EVC2: variants seen among roughly 807,000 people sequenced by gnomAD.
EVC2 encodes the protein limbin.
In EVC2, 148 loss-of-function variants were observed where a neutral mutation model predicts 149.3. The observed-to-expected ratio is 0.99, with a 90% CI of 0.87 to 1.14. EVC2 has a LOEUF of 1.14. EVC2 is among the 50% of genes most tolerant of loss of function. EVC2 has a pLI of 0.00. For missense variants in EVC2, 1,854 were observed against 1,627.3 expected, an observed-to-expected ratio of 1.14 and a Z score of -2.40; for synonymous variants, 776 against 649.9, an observed-to-expected ratio of 1.19 and a Z score of -2.95.
intron 8 of EVC2, among the ~76,000 whole-genome samples, chr4:5,664,568 C>T (rs1414897765): frequency 6.6e-6 from 1 of 152,160 alleles, no homozygotes; most frequent in African/African-American, 2.4e-5. Context: ...TTTCTTCTCA[C>T]TTTTGCCCGC....
At position 5,562,638 on chromosome 4, in the gene EVC2, C is replaced by G; in HGVS notation, c.*210G>C. ...GGGCTGAAAGAAGGAGTGTTTATGT[C>G]CTTGTGATATGGAAGAGAGTGGGCC... is the stretch of plus-strand genomic sequence containing the variant. On this transcript the variant is annotated 3_prime_UTR_variant, in exon 22 of 22. Coordinates refer to ENST00000344408, the MANE Select transcript of EVC2 (RefSeq NM_147127.5). This position sits in a 1 kb window ranked among gnomAD's most constrained non-coding sequence, Gnocchi z 4.3. 1 of 1,437,194 alleles carries G rather than the reference C, an allele frequency of 7.0e-7. No individual in the cohort carries two copies. 89.0% of individuals were successfully genotyped at this position (1,437,194 alleles called of 1,614,324 possible).
chr4:5,609,502 G>A (rs981733581), intron 16 of EVC2, among the ~76,000 whole-genome samples: 15 of 152,228 alleles, frequency 9.9e-5, no homozygotes, highest in Non-Finnish European at 1.9e-4. Context: ...TCATGAAAAG[G>A]TCACAGATGA....
chr4:5,568,716 C>T, intron 19 of EVC2, 76 bp from the exon 20 acceptor site: 1 of 1,443,506 alleles, frequency 6.9e-7, no homozygotes, highest in Non-Finnish European at 9.5e-7. Flanking sequence ...TTATCACATT[C>T]TGAGGACATT....
In EVC2 at chr4:5,568,619, G is replaced by T. The variant is rs200105743; in HGVS notation, c.3382C>A (p.Leu1128Met). 5.2e-5 allele frequency: 84 copies of T among 1,608,906 alleles called. 1 individual carries two copies. In the East Asian group the frequency reaches 1.8e-3, roughly 35 times the overall value. Residue 1128 changes from leucine (L) to methionine (M), a missense_variant, in exon 20 of 22, where the codon CTG becomes ATG. Coordinates refer to ENST00000344408, the MANE Select transcript of EVC2 (RefSeq NM_147127.5). ...CSQELRLASY[L>M]ARMAMVPGAT... ...CCGGGCACCATGGCCATCCTCGCCAGGTACGATGCCAGTCTCAGCTCCTAC... is the reference window on the plus strand; with the variant it reads ...CCGGGCACCATGGCCATCCTCGCCATGTACGATGCCAGTCTCAGCTCCTAC...
intron 16 of EVC2, among the ~76,000 whole-genome samples, chr4:5,605,575 C>T (rs573630286): frequency 6.6e-6 from 1 of 152,306 alleles, no homozygotes; most frequent in African/African-American, 2.4e-5. Flanking sequence ...ACATGAACCA[C>T]ATAATTTGTG....
chr4:5,564,791 G>A (rs185267200), intron 21 of EVC2, among the ~76,000 whole-genome samples: 9 of 152,318 alleles, frequency 5.9e-5, no homozygotes, highest in Non-Finnish European at 1.0e-4. Context: ...GGTAAAGAGC[G>A]CAAGCCTGGA....
At chr4:5,566,061 A>G (rs1014010853) in intron 20 of EVC2, among the ~76,000 whole-genome samples, 1 of 152,246 alleles carries the variant, frequency 6.6e-6, no homozygotes, top group Non-Finnish European at 1.5e-5. Flanking sequence ...TACCTAAGAG[A>G]GAGGACACAG....
At chr4:5,552,971 C>A (rs1392967073) in intron 21 of EVC2, among the ~76,000 whole-genome samples, 3 of 152,230 alleles carry the variant, frequency 2.0e-5, no homozygotes, top group Non-Finnish European at 4.4e-5. Context: ...AGGAATATTT[C>A]ATCTTCCCTC....
At chr4:5,699,502 C>A (rs1368727218) in intron 1 of EVC2, among the ~76,000 whole-genome samples, 1 of 152,122 alleles carries the variant, frequency 6.6e-6, no homozygotes, top group Non-Finnish European at 1.5e-5. Context: ...GTGTTCACAG[C>A]AGCATTATTC....
chr4:5,542,005 G>A (rs1721522998), downstream of EVC2, among the ~76,000 whole-genome samples: 1 of 152,160 alleles, frequency 6.6e-6, no homozygotes, highest in African/African-American at 2.4e-5. Flanking sequence ...TAGATCATGA[G>A]GTTTGGCCCT....
intron 21 of EVC2, among the ~76,000 whole-genome samples, chr4:5,547,085 C>T (rs1379399941): frequency 6.6e-6 from 1 of 152,258 alleles, no homozygotes; most frequent in East Asian, 1.9e-4. Context: ...GGCCCCCATG[C>T]CCTTGCAGGC....
chr4:5,537,312 T>C, the EVC2 span, among the ~76,000 whole-genome samples: 1 of 152,122 alleles, frequency 6.6e-6, no homozygotes, highest in African/African-American at 2.4e-5. Flanking sequence ...AACTATTCAG[T>C]AGAGTGACAT....
chr4:5,609,395 C>A (rs1714648695), intron 16 of EVC2, among the ~76,000 whole-genome samples: 2 of 152,160 alleles, frequency 1.3e-5, no homozygotes, highest in African/African-American at 4.8e-5. Context: ...GAGATGTAAT[C>A]GATCAAATTC....
intron 7 of EVC2, 36 bp from the exon 8 acceptor site, chr4:5,665,685 G>A: frequency 6.2e-7 from 1 of 1,611,382 alleles, no homozygotes. Flanking sequence ...TTCATGTGTG[G>A]TCAGACAGCA....
At chr4:5,655,010 G>T (rs1424550644) in intron 9 of EVC2, among the ~76,000 whole-genome samples, 1 of 152,170 alleles carries the variant, frequency 6.6e-6, no homozygotes, top group East Asian at 1.9e-4. Context: ...ATCGTGCCTA[G>T]CGCTGAAGGA....
intron 1 of EVC2, among the ~76,000 whole-genome samples, chr4:5,703,302 T>C (rs985478515): frequency 2.0e-5 from 3 of 152,180 alleles, no homozygotes; most frequent in East Asian, 3.8e-4. Context: ...CATCATCATC[T>C]CTGATAATGC....
chr4:5,701,774 G>A (rs1443459621), intron 1 of EVC2, among the ~76,000 whole-genome samples: 1 of 152,176 alleles, frequency 6.6e-6, no homozygotes, highest in African/African-American at 2.4e-5. Flanking sequence ...ACATTAACCA[G>A]TGGCATCTCC....
At chr4:5,634,074 C>T (rs888052494) in intron 10 of EVC2, among the ~76,000 whole-genome samples, 26 of 152,350 alleles carry the variant, frequency 1.7e-4, no homozygotes, top group Non-Finnish European at 3.7e-4. Context: ...TGGATGACAG[C>T]AGGGGCCATG....
chr4:5,584,563 G>A (rs1712094917), intron 17 of EVC2, 60 bp downstream of exon 17: 1 of 1,522,604 alleles, frequency 6.6e-7, no homozygotes, highest in Non-Finnish European at 9.0e-7. Flanking sequence ...GGAAGATGCA[G>A]AGGTAGGTAC....
Sources: allele counts gnomAD v4.1 joint callset (sites outside exome capture counted in the v4.1 genomes callset), GRCh38; gene constraint gnomAD v4.1.1; non-coding constraint Gnocchi (gnomAD v3.1); transcripts MANE v1.5; gene names NCBI Gene and HGNC (gene_info 2026-07-23, HGNC 2026-07-21).